The following JAKMIP1 variants were observed in gnomAD, a reference collection of about 807,000 sequenced individuals.
JAKMIP1 encodes janus kinase and microtubule-interacting protein 1.
JAKMIP1 carries 33 observed loss-of-function variants against 113.0 expected under a neutral mutation model. The ratio of observed to expected loss-of-function variants is 0.29; its 90% confidence interval spans 0.22 to 0.39. JAKMIP1 has a LOEUF of 0.39. JAKMIP1 is among the 10% of genes least tolerant of loss of function. The pLI, the probability that JAKMIP1 is intolerant of heterozygous loss-of-function variation, is 1.00. For synonymous variants in JAKMIP1, 480 were observed against 459.9 expected (o/e 1.04, Z -0.56); for missense variants, 813 against 1,080.5 (o/e 0.75, Z 3.47).
Position 6,106,493 on chromosome 4 carries a change from C to T in JAKMIP1, c.130-526G>A, listed in dbSNP as rs1287910014. The stretch of plus-strand genomic sequence containing the variant: ...CCCACATTGCCACATGAACCCCTCA[C>T]GGTCTTGGGAAGGAAGTAGCGTGCT... On this transcript the variant is annotated intron_variant, in intron 2 of 20. Coordinates refer to ENST00000409021, the MANE Select transcript of JAKMIP1 (RefSeq NM_001099433.2). This position sits in a 1 kb window ranked among gnomAD's most constrained non-coding sequence, Gnocchi z 5.9. Among the ~76,000 whole-genome samples the T allele has an allele frequency of 1.3e-5, 2 of 152,152 alleles. No individual in the cohort carries two copies. The highest frequency in any genetic ancestry group is 2.1e-4 in the South Asian group (1 of 4,798).
At chr4:6,172,477 T>C (rs1724844393) in intron 1 of JAKMIP1, among the ~76,000 whole-genome samples, 1 of 152,026 alleles carries the variant, frequency 6.6e-6, no homozygotes. Flanking sequence ...TTCTTCCAGT[T>C]ACCCCCGAGA....
chr4:6,103,235 A>C (rs940998000), intron 3 of JAKMIP1, among the ~76,000 whole-genome samples: 2 of 152,304 alleles, frequency 1.3e-5, no homozygotes, highest in East Asian at 1.9e-4. Flanking sequence ...GAATTTTACC[A>C]ACAGATTTTT....
At chr4:6,066,427 A>C (rs185871744) in intron 8 of JAKMIP1, among the ~76,000 whole-genome samples, 1 of 152,186 alleles carries the variant, frequency 6.6e-6, no homozygotes, top group Non-Finnish European at 1.5e-5. Flanking sequence ...TGCTCACTGC[A>C]TCACCCCTCC....
rs1721881302 is a variant in JAKMIP1, at chr4:6,153,640, T to A, written c.-147-40643A>T. Among the ~76,000 whole-genome samples, 1 of 152,232 alleles carries A rather than the reference T, an allele frequency of 6.6e-6. No homozygotes were observed. The highest frequency in any genetic ancestry group is 1.5e-5 in the Non-Finnish European group (1 of 68,052). ...TTTGTGGAAGGCCATCATGTTCCCG[T>A]GTGCCCCTCGGCACCTTACCTTTAT... is the stretch of plus-strand genomic sequence containing the variant. On this transcript the variant is annotated intron_variant, in intron 1 of 20. Transcript: ENST00000409021. This position sits in a 1 kb window ranked among gnomAD's most constrained non-coding sequence, Gnocchi z 4.9.
At position 6,081,806 on chromosome 4, in the gene JAKMIP1, C is replaced by A. The variant is rs374085209; in HGVS notation, c.955-51G>T. On this transcript the variant is annotated intron_variant, in intron 5 of 20. Transcript: ENST00000409021. This position sits in a 1 kb window ranked among gnomAD's most constrained non-coding sequence, Gnocchi z 4.6. ...CTCAGACAACTTGACGACGGACGGC[C>A]GAGGTCACAGCACCGAGGTGAGCAG... 4.3e-6 allele frequency: 7 copies of A among 1,609,772 alleles called. No homozygotes were observed. In the South Asian group the frequency reaches 4.4e-5, roughly 10 times the overall value.
chr4:6,125,266 G>A (rs73795734), intron 1 of JAKMIP1, among the ~76,000 whole-genome samples: 2,714 of 152,086 alleles, frequency 0.018, 36 homozygotes, highest in Middle Eastern at 0.027. Flanking sequence ...CTGCAGCAGC[G>A]GGAGCACCCC....
intron 8 of JAKMIP1, among the ~76,000 whole-genome samples, chr4:6,073,899 G>A (rs1313404992): frequency 3.9e-5 from 6 of 152,232 alleles, no homozygotes; most frequent in South Asian, 2.1e-4. Context: ...AGAACTCTGT[G>A]ATGATACAGC....
chr4:6,151,991 A>G (rs926580403), intron 1 of JAKMIP1, among the ~76,000 whole-genome samples: 1 of 152,122 alleles, frequency 6.6e-6, no homozygotes, highest in African/African-American at 2.4e-5. Flanking sequence ...GGGGCTCGCC[A>G]CTATGCCTGA....
chr4:6,166,127 A>G (rs952539277), intron 1 of JAKMIP1, among the ~76,000 whole-genome samples: 6 of 152,218 alleles, frequency 3.9e-5, no homozygotes, highest in Admixed American at 3.9e-4. Flanking sequence ...AAAGTTCTCT[A>G]TCACATCTTC....
chr4:6,034,664 T>C (rs549383457), intron 19 of JAKMIP1, among the ~76,000 whole-genome samples: 3 of 152,218 alleles, frequency 2.0e-5, no homozygotes, highest in African/African-American at 7.2e-5. Context: ...TAGCTGGGTG[T>C]GGTGGCGGGT....
chr4:6,063,838 G>T (rs193218804), intron 9 of JAKMIP1, among the ~76,000 whole-genome samples: 79 of 152,352 alleles, frequency 5.2e-4, no homozygotes, highest in African/African-American at 1.8e-3. Context: ...TCAGAGACTC[G>T]GGATGTGGGG....
intron 12 of JAKMIP1, 39 bp from the exon 13 acceptor site, chr4:6,054,187 G>T: frequency 1.2e-6 from 2 of 1,606,402 alleles, no homozygotes; most frequent in Non-Finnish European, 1.7e-6. Flanking sequence ...GGATGGGTGG[G>T]AGCACTGGGG....
chr4:6,107,887 A>G (rs7673767), intron 2 of JAKMIP1, among the ~76,000 whole-genome samples: 65,655 of 151,896 alleles, frequency 0.43, 15,129 homozygotes, highest in African/African-American at 0.6. Flanking sequence ...AGGCCCGTTG[A>G]GAGGAGGAAG....
At chr4:6,189,284 G>A (rs1726975212) in intron 1 of JAKMIP1, among the ~76,000 whole-genome samples, 1 of 152,250 alleles carries the variant, frequency 6.6e-6, no homozygotes. Flanking sequence ...AGTCTGAAGA[G>A]GGAAAGGGAA....
intron 18 of JAKMIP1, among the ~76,000 whole-genome samples, chr4:6,038,902 G>A (rs1162604143): frequency 3.9e-5 from 6 of 152,312 alleles, no homozygotes; most frequent in East Asian, 1.9e-4. Flanking sequence ...GGCCTGCCCC[G>A]CCTCACTCAG....
At chr4:6,036,454 T>C (rs1713453344) in intron 18 of JAKMIP1, among the ~76,000 whole-genome samples, 1 of 152,214 alleles carries the variant, frequency 6.6e-6, no homozygotes, top group Admixed American at 6.5e-5. Context: ...TGGTTTCCAA[T>C]TGGCTCTCCT....
Position 6,080,229 on chromosome 4 carries a change from G to C in JAKMIP1, c.1185C>G (p.Ile395Met). The C allele has an allele frequency of 6.2e-7, 1 of 1,614,134 alleles. No individual in the cohort carries two copies. Among genetic ancestry groups the C allele is most frequent in the Non-Finnish European group, 8.5e-7 (1 of 1,180,018 alleles). The change falls in exon 7 of 21, where the codon ATC (isoleucine) becomes ATG (methionine). Residue 395 changes from isoleucine to methionine, a missense_variant. Physicochemically the swap from Ile to Met is conservative, Grantham distance 10. Coordinates refer to ENST00000409021, the MANE Select transcript of JAKMIP1 (RefSeq NM_001099433.2). The surrounding 1 kb of genome is among the most constrained non-coding windows in gnomAD (Gnocchi z 6.0). ...DLSLTRDEQEIEFLRLQVLEQ... is the reference protein window; with the variant it reads ...DLSLTRDEQEMEFLRLQVLEQ... ...CCAGCACCTGCAGCCTCAGGAACTCGATCTCCTGCTCATCCCTCGTCAGGC... is the reference window on the plus strand; with the variant it reads ...CCAGCACCTGCAGCCTCAGGAACTCCATCTCCTGCTCATCCCTCGTCAGGC...
intron 8 of JAKMIP1, among the ~76,000 whole-genome samples, chr4:6,077,536 G>A (rs549911538): frequency 1.4e-5 from 2 of 147,120 alleles, no homozygotes; most frequent in South Asian, 2.2e-4. Flanking sequence ...ACTGAGGCTG[G>A]AGCTCAGTGG....
chr4:6,176,345 G>C lies in JAKMIP1; in HGVS notation c.-148+23908C>G, dbSNP rs762102039. Among the ~76,000 whole-genome samples the C allele has an allele frequency of 2.6e-5, 4 of 152,198 alleles. No homozygotes were observed. The highest frequency in any genetic ancestry group is 4.8e-5 in the African/African-American group (2 of 41,436). On this transcript the variant is annotated intron_variant, in intron 1 of 20. Coordinates refer to ENST00000409021, the MANE Select transcript of JAKMIP1 (RefSeq NM_001099433.2). The surrounding 1 kb of genome is among the most constrained non-coding windows in gnomAD (Gnocchi z 5.5). The stretch of plus-strand genomic sequence containing the variant: ...TTAGGCTGTGTCCTGGTCTGGTGGG[G>C]TATGAAGATCCCTGAGGTGAACCAT...
Sources: gnomAD v4.1 joint callset for allele counts (sites outside exome capture counted in the v4.1 genomes callset) on GRCh38, gnomAD v4.1.1 for gene constraint, Gnocchi (gnomAD v3.1) non-coding constraint, MANE v1.5 for transcripts, NCBI Gene and HGNC (gene_info 2026-07-23, HGNC 2026-07-21) for gene names.